EIF3L: variants seen among roughly 807,000 people sequenced by gnomAD.
EIF3L encodes the protein eukaryotic translation initiation factor 3 subunit L, also known as eIEF associated protein HSPC021.
In EIF3L, 32 loss-of-function variants were observed where a neutral mutation model predicts 74.6. That is an observed-to-expected ratio of 0.43 (90% CI 0.32 to 0.58). The LOEUF (loss-of-function observed/expected upper bound fraction) is 0.58, where lower values mean the gene tolerates loss of function less well. Ranked by LOEUF, EIF3L falls within the 20% of genes least tolerant of loss-of-function variation. EIF3L has a pLI of 0.06. For missense variants in EIF3L, 474 were observed against 707.8 expected (o/e 0.67, Z 3.75); for synonymous variants, 256 against 254.4 (o/e 1.01, Z -0.06).
chr22:37,868,560 TCTC>T (rs1379066299), intron 7 of EIF3L, among the ~76,000 whole-genome samples: 1 of 151,160 alleles, frequency 6.6e-6, no homozygotes, highest in East Asian at 1.9e-4. Context: ...TTCAAGGGAT[TCTC>T]CTGCCTCAGC....
At chr22:37,857,856 T>G (rs1008603574) in intron 4 of EIF3L, among the ~76,000 whole-genome samples, 1 of 152,046 alleles carries the variant, frequency 6.6e-6, no homozygotes, top group African/African-American at 2.4e-5. Context: ...CTCAATTGAC[T>G]AAACACAGAA....
chr22:37,873,916 T>C (rs920190728), intron 8 of EIF3L, among the ~76,000 whole-genome samples: 2 of 152,236 alleles, frequency 1.3e-5, no homozygotes, highest in Non-Finnish European at 2.9e-5. Context: ...CAGTGACTAC[T>C]GGTACAATTT....
chr22:37,873,628 A>G (rs940240275), intron 8 of EIF3L, among the ~76,000 whole-genome samples: 18 of 152,142 alleles, frequency 1.2e-4, no homozygotes, highest in African/African-American at 4.3e-4. Flanking sequence ...AAAAATGAAA[A>G]AAGAATTTTC....
intron 10 of EIF3L, 140 bp from the exon 11 acceptor site, chr22:37,877,534 T>C: frequency 1.0e-6 from 1 of 983,240 alleles, no homozygotes. Flanking sequence ...TTGGAAGAGA[T>C]GTTGGGGAAG....
At chr22:37,866,911 C>T (rs1718439070) in intron 7 of EIF3L, among the ~76,000 whole-genome samples, 1 of 152,126 alleles carries the variant, frequency 6.6e-6, no homozygotes, top group South Asian at 2.1e-4. Flanking sequence ...GTGTACAGTG[C>T]CACAATCAAG....
intron 2 of EIF3L, among the ~76,000 whole-genome samples, chr22:37,851,025 G>A (rs1242228704): frequency 1.3e-5 from 2 of 152,154 alleles, no homozygotes; most frequent in Admixed American, 6.5e-5. Context: ...CAAGACAGAC[G>A]AGATTCCTGA....
chr22:37,868,634 C>CT lies in EIF3L; in HGVS notation c.580-1517dup, dbSNP rs71195065. Among the ~76,000 whole-genome samples the CT allele has an allele frequency of 7.7e-3, 194 of 25,126 alleles. 32 individuals carry two copies. Among genetic ancestry groups the CT allele is most frequent in the East Asian group, 0.016 (7 of 434 alleles). The allele number at this position is 25,126 out of a possible 152,430, so 16.5% of individuals were successfully genotyped here. ...ACACCTGGCTATTTTTGTTTTGGTG[C>CT]TTTTTTTTTTTTTTTTTTTTTTTTT... On this transcript the variant is annotated intron_variant, in intron 7 of 12. Transcript: ENST00000652021.
chr22:37,888,283 C>T (rs893415842), intron 12 of EIF3L, 143 bp from the exon 13 acceptor site: 1 of 757,486 alleles, frequency 1.3e-6, no homozygotes, highest in Non-Finnish European at 2.2e-6. Context: ...CGGCTTTGCA[C>T]ACACATAGTG....
At chr22:37,860,831 C>T (rs1000930320) in intron 5 of EIF3L, among the ~76,000 whole-genome samples, 9 of 152,168 alleles carry the variant, frequency 5.9e-5, no homozygotes, top group Non-Finnish European at 1.2e-4. Flanking sequence ...CCAGCATGAT[C>T]CTTTTGCTAC....
At chr22:37,886,202 A>T (rs1285399929) in intron 11 of EIF3L, 1 of 151,366 alleles carries the variant, frequency 6.6e-6, no homozygotes, top group East Asian at 1.9e-4. Context: ...TCAAAAAAAA[A>T]AAAAAGACTA....
At chr22:37,865,365 C>T (rs1021504864) in intron 7 of EIF3L, among the ~76,000 whole-genome samples, 4 of 151,644 alleles carry the variant, frequency 2.6e-5, no homozygotes, top group Non-Finnish European at 5.9e-5. Context: ...GAGGCTGAGG[C>T]AGGGGAATCG....
chr22:37,870,941 A>G (rs1354243636), intron 8 of EIF3L, among the ~76,000 whole-genome samples: 1 of 152,082 alleles, frequency 6.6e-6, no homozygotes, highest in East Asian at 1.9e-4. Flanking sequence ...CCTGGGCAAT[A>G]TAGTGAGACT....
At chr22:37,875,647 C>T (rs1277014869) in intron 9 of EIF3L, among the ~76,000 whole-genome samples, 194 bp from the exon 10 acceptor site, 1 of 152,094 alleles carries the variant, frequency 6.6e-6, no homozygotes, top group Non-Finnish European at 1.5e-5. Context: ...TTCTTGTTTA[C>T]AGCTAAAAAA....
Position 37,874,417 on chromosome 22 carries a change from A to C in EIF3L, c.799A>C (p.Lys267Gln). ...AGEYGRHSLYKMLGYFSLVGL... is the reference protein window; with the variant it reads ...AGEYGRHSLYQMLGYFSLVGL... ...GGAGTATGGGCGGCACTCCCTCTAC[A>C]AAATGCTTGGTTACTTCAGCCTGGT... The change falls in exon 9 of 13, where the codon AAA (lysine) becomes CAA (glutamine). Residue 267 changes from lysine (K) to glutamine (Q), a missense_variant. By Grantham distance (53) the Lys-to-Gln change is moderately conservative. Transcript: ENST00000652021. 1 of 1,614,096 alleles carries C rather than the reference A, an allele frequency of 6.2e-7. No individual in the cohort carries two copies. The highest frequency in any genetic ancestry group is 8.5e-7 in the Non-Finnish European group (1 of 1,179,996).
At chr22:37,876,119 C>A in intron 10 of EIF3L, 108 bp downstream of exon 10, 4 of 1,246,790 alleles carry the variant, frequency 3.2e-6, no homozygotes, top group Admixed American at 2.3e-5. Flanking sequence ...CACTTTTAAG[C>A]CAGGAGTTCA....
chr22:37,883,592 T>G (rs1927173428), intron 11 of EIF3L: 1 of 132,854 alleles, frequency 7.5e-6, no homozygotes, highest in African/African-American at 2.9e-5. Flanking sequence ...AAAAAAAAAA[T>G]TGCAGGATAT....
At chr22:37,870,063 C>T (rs2145824636) in intron 7 of EIF3L, 113 bp from the exon 8 acceptor site, 3 of 872,974 alleles carry the variant, frequency 3.4e-6, no homozygotes, top group Non-Finnish European at 3.4e-6. Flanking sequence ...GGTCATCTCA[C>T]CCTCACCTTG....
chr22:37,868,977 A>G (rs1287843340), intron 7 of EIF3L, among the ~76,000 whole-genome samples: 1 of 151,886 alleles, frequency 6.6e-6, no homozygotes, highest in East Asian at 1.9e-4. Context: ...GGGTTTCACC[A>G]TGTTGGCCAA....
Position 37,877,964 on chromosome 22 carries a change from G to C in EIF3L, c.1368G>C (p.Gln456His), listed in dbSNP as rs547479833. 1 of 1,612,668 alleles carries C rather than the reference G, an allele frequency of 6.2e-7. No individual in the cohort carries two copies. Among genetic ancestry groups the C allele is most frequent in the South Asian group, 1.1e-5 (1 of 91,026 alleles). ...CTGATGAAGTACAGCAGCAGGCCCAGCTTTCAACCATCCGCAGCTTCCTGA... is the reference window on the plus strand; with the variant it reads ...CTGATGAAGTACAGCAGCAGGCCCACCTTTCAACCATCCGCAGCTTCCTGA... ...VFSDEVQQQA[Q>H]LSTIRSFLKL... Residue 456 changes from glutamine to histidine, a missense_variant, in exon 11 of 13, where the codon CAG (glutamine) becomes CAC (histidine). Gln to His is a conservative substitution (Grantham distance 24). This residue lies in a region of EIF3L where 293 missense variants were observed against 469.1 expected (regional missense o/e 0.62). Transcript: ENST00000652021.
Sources: gnomAD v4.1 joint callset for allele counts (sites outside exome capture counted in the v4.1 genomes callset) on GRCh38, gnomAD v4.1.1 for gene constraint, gnomAD v4.1.1 regional missense constraint, MANE v1.5 for transcripts, NCBI Gene and HGNC (gene_info 2026-07-23, HGNC 2026-07-21) for gene names.